PDCD10: variants seen among roughly 807,000 people sequenced by gnomAD.
PDCD10 encodes programmed cell death 10, also known as programmed cell death protein 10.
A neutral mutation model predicts 29.2 loss-of-function variants in PDCD10; 4 were observed. The observed-to-expected ratio is 0.14, with a 90% CI of 0.07 to 0.31. The LOEUF (loss-of-function observed/expected upper bound fraction) is 0.31. Among genes scored for constraint, PDCD10 ranks in the 10% least tolerant of loss-of-function variants. The pLI is 1.00. For synonymous variants in PDCD10, 70 were observed against 82.2 expected (o/e 0.85, Z 0.80); for missense variants, 183 against 257.9 (o/e 0.71, Z 1.99).
intron 4 of PDCD10, among the ~76,000 whole-genome samples, chr3:167,701,006 G>C (rs1465780264): frequency 6.6e-6 from 1 of 152,176 alleles, no homozygotes; most frequent in Admixed American, 6.5e-5. Context: ...CTACTGTTCT[G>C]TGCAAATGAA....
At chr3:167,700,203 A>T (rs114695983) in intron 4 of PDCD10, among the ~76,000 whole-genome samples, 1 of 152,196 alleles carries the variant, frequency 6.6e-6, no homozygotes, top group Non-Finnish European at 1.5e-5. Flanking sequence ...AAGTATTAGT[A>T]AGTATATGAT....
chr3:167,684,342 T>C lies in PDCD10; in HGVS notation c.605A>G (p.Asn202Ser), dbSNP rs1719341385. Reference protein sequence around the residue: ...VSANRLIHQTNLILQTFKTVA With the variant: ...VSANRLIHQTSLILQTFKTVA ...AGTTTTGAAGGTCTGAAGTATTAAG[T>C]TGGTTTGATGAATTAGTCGGTTGGC... The change falls in exon 9 of 9, where the codon AAC becomes AGC. Residue 202 changes from asparagine to serine, a missense_variant. Coordinates refer to ENST00000392750, the MANE Select transcript of PDCD10 (RefSeq NM_007217.4). 7 of 1,607,128 alleles carry C rather than the reference T, an allele frequency of 4.4e-6. No individual in the cohort carries two copies. The highest frequency in any genetic ancestry group is 6.0e-6 in the Non-Finnish European group (7 of 1,173,934).
At chr3:167,687,784 C>T in intron 6 of PDCD10, 91 bp from the exon 7 acceptor site, 4 of 729,816 alleles carry the variant, frequency 5.5e-6, no homozygotes, top group Non-Finnish European at 9.9e-6. Flanking sequence ...AAATTAAGTA[C>T]ACTCTTAATC....
At chr3:167,730,926 A>C (rs1724736463) in intron 2 of PDCD10, 1 of 152,184 alleles carries the variant, frequency 6.6e-6, no homozygotes, top group Admixed American at 6.5e-5. Flanking sequence ...ACCTTGTCTA[A>C]ATCAAGTGAT....
chr3:167,724,071 T>C (rs1723852220), intron 2 of PDCD10, among the ~76,000 whole-genome samples: 1 of 152,186 alleles, frequency 6.6e-6, no homozygotes, highest in African/African-American at 2.4e-5. Context: ...AGTCTGCTCA[T>C]TTAAAGAGCC....
intron 6 of PDCD10, among the ~76,000 whole-genome samples, chr3:167,693,836 G>A (rs1720513970): frequency 6.6e-6 from 1 of 151,886 alleles, no homozygotes; most frequent in African/African-American, 2.4e-5. Context: ...TACACCAGTA[G>A]TCCTAGCTAC....
chr3:167,697,927 G>A (rs1406513064), intron 4 of PDCD10: 1 of 456,530 alleles, frequency 2.2e-6, no homozygotes, highest in Admixed American at 2.3e-5. Flanking sequence ...GTTTCCTGTA[G>A]GATGCCTGCC....
intron 2 of PDCD10, among the ~76,000 whole-genome samples, chr3:167,733,413 AACTATAC>A (rs1725019854): frequency 6.6e-6 from 1 of 152,194 alleles, no homozygotes; most frequent in East Asian, 1.9e-4. Context: ...GCAAGATATG[AACTATAC>A]GTGTACTGTT....
Position 167,695,680 on chromosome 3 carries a change from T to C in PDCD10, c.311A>G (p.Asn104Ser), listed in dbSNP as rs767142729. 6.8e-5 allele frequency: 110 copies of C among 1,613,408 alleles called. No individual in the cohort carries two copies. Among genetic ancestry groups the C allele is most frequent in the Admixed American group, 1.0e-4 (6 of 60,010 alleles). The change falls in exon 6 of 9, where the codon AAC becomes AGC. Residue 104 changes from asparagine to serine, a missense_variant. Physicochemically the swap from Asn to Ser is conservative, Grantham distance 46. Coordinates refer to ENST00000392750, the MANE Select transcript of PDCD10 (RefSeq NM_007217.4). Reference protein sequence around the residue: ...ERPEPEFQDLNEKARALKQIL... With the variant: ...ERPEPEFQDLSEKARALKQIL... Reference sequence around the variant, plus strand: ...TTGTTTAAGTGCTCGTGCCTTTTCGTTTAGGTCTTGGAATTCTGGCTCTGG... The same window carrying C: ...TTGTTTAAGTGCTCGTGCCTTTTCGCTTAGGTCTTGGAATTCTGGCTCTGG...
At chr3:167,732,011 A>C (rs1724869598) in intron 2 of PDCD10, among the ~76,000 whole-genome samples, 1 of 152,198 alleles carries the variant, frequency 6.6e-6, no homozygotes, top group African/African-American at 2.4e-5. Context: ...TAAATGAGAA[A>C]GGCTGGAGAT....
chr3:167,726,041 G>A (rs1243843931), intron 2 of PDCD10, among the ~76,000 whole-genome samples: 2 of 150,168 alleles, frequency 1.3e-5, no homozygotes, highest in East Asian at 3.9e-4. Context: ...TGGTGCTGCT[G>A]AGACTTCCAG....
intron 4 of PDCD10, 200 bp downstream of exon 4, chr3:167,704,642 A>G: frequency 2.0e-6 from 1 of 501,734 alleles, no homozygotes; most frequent in South Asian, 2.8e-5. Context: ...CAAAGTGATG[A>G]AAAGATGAAT....
rs189016983 is a variant in PDCD10 at position 167,720,089 on chromosome 3, A to G, written c.69T>C (p.Tyr23=). 60 of 1,610,524 alleles carry G rather than the reference A, an allele frequency of 3.7e-5. No individual in the cohort carries two copies. The highest frequency in any genetic ancestry group is 5.1e-5 in the Non-Finnish European group (60 of 1,176,938). The change falls in exon 3 of 9, where the codon TAT becomes TAC. Residue 23 remains tyrosine (Y), a synonymous_variant. Coordinates refer to ENST00000392750, the MANE Select transcript of PDCD10 (RefSeq NM_007217.4). ...CATTAAACACAGGATACATGACTGC[A>G]TAGAGGGGCATAGAAACCATGGATG... ...ETTSMVSMPL[Y]AVMYPVFNEL...
intron 4 of PDCD10, among the ~76,000 whole-genome samples, chr3:167,703,067 T>TA (rs1241255497): frequency 2.0e-5 from 3 of 152,188 alleles, no homozygotes; most frequent in Non-Finnish European, 4.4e-5. Context: ...TCATTGAAGA[T>TA]ACTATCTACT....
chr3:167,701,271 A>G (rs933211500), intron 4 of PDCD10, among the ~76,000 whole-genome samples: 7 of 152,170 alleles, frequency 4.6e-5, no homozygotes, highest in Non-Finnish European at 8.8e-5. Context: ...ATCTCTATAT[A>G]GCTAGATCTA....
chr3:167,699,605 T>C (rs1721165408), intron 4 of PDCD10, among the ~76,000 whole-genome samples: 1 of 152,224 alleles, frequency 6.6e-6, no homozygotes, highest in Non-Finnish European at 1.5e-5. Context: ...GAATACAACA[T>C]GAACCCTGTA....
At chr3:167,722,188 A>T (rs1259853110) in intron 2 of PDCD10, among the ~76,000 whole-genome samples, 1 of 152,176 alleles carries the variant, frequency 6.6e-6, no homozygotes, top group Non-Finnish European at 1.5e-5. Flanking sequence ...AAAATCAAGT[A>T]AGAAATGGCA....
intron 3 of PDCD10, among the ~76,000 whole-genome samples, chr3:167,711,231 G>C (rs973674403): frequency 2.0e-5 from 3 of 152,174 alleles, no homozygotes; most frequent in African/African-American, 7.2e-5. Context: ...TTCTCAGACA[G>C]AGAATTCAAA....
Position 167,720,286 on chromosome 3 carries a change from G to C in PDCD10, c.-116-13C>G, listed in dbSNP as rs140278271. On this transcript the variant is annotated splice_polypyrimidine_tract_variant and intron_variant, in intron 2 of 8. Transcript: ENST00000392750. The stretch of plus-strand genomic sequence containing the variant: ...AAAACACACTGATCTGGTGAAAGAG[G>C]AAGAAAGAACAGAGACTTACTATAT... 8 of 685,802 alleles carry C rather than the reference G, an allele frequency of 1.2e-5. No individual in the cohort carries two copies. In the East Asian group the frequency reaches 2.2e-4, roughly 19 times the overall value. The allele number at this position is 685,802 out of a possible 1,614,324, so 42.5% of individuals were successfully genotyped here.
Sources: allele counts gnomAD v4.1 joint callset (sites outside exome capture counted in the v4.1 genomes callset), GRCh38; gene constraint gnomAD v4.1.1; transcripts MANE v1.5; gene names NCBI Gene and HGNC (gene_info 2026-07-23, HGNC 2026-07-21).